Variants in NCAM2 observed in about 807,000 individuals in gnomAD.
NCAM2 encodes neural cell adhesion molecule 2, also known as N-CAM-2.
NCAM2 carries 30 observed loss-of-function variants against 98.1 expected under a neutral mutation model. That is an observed-to-expected ratio of 0.31 (90% CI 0.23 to 0.41). The LOEUF (loss-of-function observed/expected upper bound fraction) is 0.41, where lower values mean the gene tolerates loss of function less well. Ranked by LOEUF, NCAM2 falls within the 10% of genes least tolerant of loss-of-function variation. NCAM2 has a pLI of 1.00. For synonymous variants in NCAM2, 368 were observed against 342.4 expected (o/e 1.07, Z -0.83); for missense variants, 867 against 1,005.8 (o/e 0.86, Z 1.87).
chr21:21,325,973 A>T (rs1336516525), intron 6 of NCAM2, among the ~76,000 whole-genome samples: 1 of 152,206 alleles, frequency 6.6e-6, no homozygotes, highest in African/African-American at 2.4e-5. Context: ...GTAGGAAAGT[A>T]CAGGTGAATA....
At chr21:21,150,923 A>G (rs2067428661) in intron 1 of NCAM2, among the ~76,000 whole-genome samples, 1 of 151,846 alleles carries the variant, frequency 6.6e-6, no homozygotes, top group African/African-American at 2.4e-5. Flanking sequence ...ATGGTTGACA[A>G]AATTTATGGG....
chr21:21,537,914 C>T lies in NCAM2; in HGVS notation c.2471C>T (p.Ser824Phe), dbSNP rs752060993. 17 of 1,581,200 alleles carry T rather than the reference C, an allele frequency of 1.1e-5. No individual in the cohort carries two copies. In the South Asian group the frequency reaches 1.9e-4, roughly 17 times the overall value. The change falls in exon 18 of 18, where the codon TCT becomes TTT. Residue 824 changes from serine to phenylalanine, a missense_variant. By Grantham distance (155) the Ser-to-Phe change is radical (BLOSUM62 -2). Transcript: ENST00000400546. ...CCAGAAACTATAGAAATTAAAGTTT[C>T]TAACGACATCATTCAATCAAAAGAA... Reference protein sequence around the residue: ...LNPETIEIKVSNDIIQSKEDD... With the variant: ...LNPETIEIKVFNDIIQSKEDD...
At chr21:21,414,724 C>T (rs1449096804) in intron 10 of NCAM2, among the ~76,000 whole-genome samples, 1 of 152,090 alleles carries the variant, frequency 6.6e-6, no homozygotes, top group Non-Finnish European at 1.5e-5. Flanking sequence ...CTGCCTCGGC[C>T]TCCCAAAGTG....
chr21:21,479,151 GTTTAA>G (rs977352451), intron 15 of NCAM2, among the ~76,000 whole-genome samples: 1 of 130,598 alleles, frequency 7.7e-6, no homozygotes, highest in African/African-American at 2.7e-5. Flanking sequence ...AACTTAATCC[GTTTAA>G]TTTAATAATG....
At chr21:21,379,641 A>G (rs1357564984) in intron 9 of NCAM2, among the ~76,000 whole-genome samples, 2 of 152,056 alleles carry the variant, frequency 1.3e-5, no homozygotes, top group African/African-American at 2.4e-5. Context: ...TTTTATATGT[A>G]TAAAGATTTT....
intron 1 of NCAM2, among the ~76,000 whole-genome samples, chr21:21,172,501 T>G (rs920367129): frequency 6.6e-6 from 1 of 152,162 alleles, no homozygotes; most frequent in Non-Finnish European, 1.5e-5. Flanking sequence ...TTTCTTAGCA[T>G]ATACTTTACA....
intron 5 of NCAM2, among the ~76,000 whole-genome samples, chr21:21,298,950 G>T (rs1487631714): frequency 6.6e-6 from 1 of 151,006 alleles, no homozygotes; most frequent in Non-Finnish European, 1.5e-5. Flanking sequence ...ATTAGGGGCT[G>T]ACCTTTGTAT....
At chr21:21,273,398 CTACTATATACTA>C (rs1170595335) in intron 1 of NCAM2, among the ~76,000 whole-genome samples, 4 of 151,996 alleles carry the variant, frequency 2.6e-5, no homozygotes, top group African/African-American at 7.3e-5. Context: ...ATACCATATA[CTACTATATACTA>C]TACTATATAC....
At chr21:21,504,394 G>A (rs1987839581) in intron 15 of NCAM2, among the ~76,000 whole-genome samples, 1 of 151,390 alleles carries the variant, frequency 6.6e-6, no homozygotes, top group Non-Finnish European at 1.5e-5. Context: ...ATAAAAAATG[G>A]ATTTACAATT....
rs1349488966 is a variant in NCAM2, at chr21:21,468,768, T to G, written c.1881T>G (p.Ile627Met). The G allele has an allele frequency of 6.2e-7, 1 of 1,610,938 alleles. No homozygotes were observed. The highest frequency in any genetic ancestry group is 1.1e-5 in the South Asian group (1 of 90,890). ...DDGGAPILEY[I>M]VKYRSKDKED... ...GAGGGGCCCCTATTTTGGAATACAT[T>G]GTGAAATATAGAAGTGTAAGTACCT... Residue 627 changes from isoleucine (I) to methionine (M), a missense_variant, in exon 14 of 18, where the codon ATT becomes ATG. By Grantham distance (10) the Ile-to-Met change is conservative. This residue lies in a region of NCAM2 where 234 missense variants were observed against 333.8 expected (regional missense o/e 0.70). Coordinates refer to ENST00000400546, the MANE Select transcript of NCAM2 (RefSeq NM_004540.5).
intron 1 of NCAM2, among the ~76,000 whole-genome samples, chr21:21,146,557 GTATA>G (rs35673800): frequency 1.8e-5 from 1 of 55,032 alleles, no homozygotes; most frequent in African/African-American, 4.9e-5. Context: ...ATATATATAT[GTATA>G]TATATATATA....
chr21:21,149,369 A>T (rs2067378743), intron 1 of NCAM2, among the ~76,000 whole-genome samples: 1 of 152,028 alleles, frequency 6.6e-6, no homozygotes, highest in African/African-American at 2.4e-5. Context: ...ATTTATTTAG[A>T]TCTCTTTTAA....
intron 1 of NCAM2, among the ~76,000 whole-genome samples, chr21:21,193,683 A>G (rs2068903701): frequency 6.6e-6 from 1 of 151,838 alleles, no homozygotes; most frequent in South Asian, 2.1e-4. Flanking sequence ...TTCAGAAGAG[A>G]TGGGGTTTCA....
At position 21,045,742 on chromosome 21, in the gene NCAM2, A is replaced by G. The variant is rs527277529; in HGVS notation, c.55+47124A>G. Reference sequence around the variant, plus strand: ...TGGCATTGAATATTAAAGTAGGTCTATTTAAATGGGAAATAATTATCTGAA... The same window carrying G: ...TGGCATTGAATATTAAAGTAGGTCTGTTTAAATGGGAAATAATTATCTGAA... On this transcript the variant is annotated intron_variant, in intron 1 of 17. Transcript: ENST00000400546. Among the ~76,000 whole-genome samples, 30 of 152,338 alleles carry G rather than the reference A, an allele frequency of 2.0e-4. No individual in the cohort carries two copies. In the South Asian group the frequency reaches 2.3e-3, roughly 12 times the overall value.
Position 21,223,020 on chromosome 21 carries a change from A to G in NCAM2, c.56-57558A>G, listed in dbSNP as rs1430839401. On this transcript the variant is annotated intron_variant, in intron 1 of 17. Transcript: ENST00000400546. The stretch of plus-strand genomic sequence containing the variant: ...CGTTGATGCAAAACCCTCCACCAGT[A>G]AAAAAAAATTTACTTCTTACATACT... 8.7e-5 allele frequency among the ~76,000 whole-genome samples: 13 copies of G among 149,120 alleles called. 1 individual carries two copies. Among genetic ancestry groups the G allele is most frequent in the Non-Finnish European group, 2.9e-5 (2 of 67,854 alleles).
chr21:21,125,102 A>G (rs185002897), intron 1 of NCAM2, among the ~76,000 whole-genome samples: 1 of 152,100 alleles, frequency 6.6e-6, no homozygotes, highest in East Asian at 1.9e-4. Context: ...TCTATTGTAC[A>G]TGTCTGCATA....
chr21:21,512,100 G>T (rs1233514730), intron 16 of NCAM2, among the ~76,000 whole-genome samples: 2 of 151,756 alleles, frequency 1.3e-5, no homozygotes, highest in Non-Finnish European at 2.9e-5. Context: ...TTTTCAGCTT[G>T]GTGTGATCCC....
intron 1 of NCAM2, among the ~76,000 whole-genome samples, chr21:21,093,335 A>T (rs1218346147): frequency 6.6e-6 from 1 of 152,028 alleles, no homozygotes. Context: ...ATGCTATTGG[A>T]CATTGTCATT....
At chr21:21,404,627 A>T (rs1415482800) in intron 9 of NCAM2, among the ~76,000 whole-genome samples, 1 of 152,064 alleles carries the variant, frequency 6.6e-6, no homozygotes, top group Non-Finnish European at 1.5e-5. Context: ...ATTTGTGTAT[A>T]TGAGTGTATA....
Sources: allele counts gnomAD v4.1 joint callset (sites outside exome capture counted in the v4.1 genomes callset), GRCh38; gene constraint gnomAD v4.1.1; regional missense constraint gnomAD v4.1.1; transcripts MANE v1.5; gene names NCBI Gene and HGNC (gene_info 2026-07-23, HGNC 2026-07-21).